NRG1: variants seen among roughly 807,000 people sequenced by gnomAD.
NRG1 encodes the protein neuregulin 1.
Under a neutral mutation model 63.8 loss-of-function variants are expected in NRG1, and 18 were observed. The observed-to-expected ratio is 0.28, with a 90% CI of 0.19 to 0.42. The LOEUF (loss-of-function observed/expected upper bound fraction) is 0.42. NRG1 is among the 10% of genes least tolerant of loss of function. The probability of loss-of-function intolerance (pLI) is 1.00; values close to 1 mark genes in which losing one functional copy is unlikely to be tolerated. For missense variants in NRG1, 762 were observed against 814.7 expected, an observed-to-expected ratio of 0.94 and a Z score of 0.79; for synonymous variants, 302 against 301.3, an observed-to-expected ratio of 1.00 and a Z score of -0.02.
At chr8:32,087,418 A>C (rs1185647475) in intron 1 of NRG1, among the ~76,000 whole-genome samples, 1 of 151,356 alleles carries the variant, frequency 6.6e-6, no homozygotes, top group Non-Finnish European at 1.5e-5. Flanking sequence ...AGCATGCAGG[A>C]CTGTGAATCA....
intron 1 of NRG1, among the ~76,000 whole-genome samples, chr8:31,778,378 C>G (rs968900355): frequency 6.6e-6 from 1 of 152,174 alleles, no homozygotes; most frequent in Non-Finnish European, 1.5e-5. Flanking sequence ...CTTATATATA[C>G]CAGGCATGGG....
intron 1 of NRG1, among the ~76,000 whole-genome samples, chr8:31,937,573 TG>T (rs991837342): frequency 3.3e-5 from 5 of 152,258 alleles, no homozygotes; most frequent in South Asian, 4.1e-4. Context: ...CGAAAAACTG[TG>T]AGTCTGCTTG....
intron 1 of NRG1, among the ~76,000 whole-genome samples, chr8:31,864,792 C>T (rs1350823963): frequency 6.6e-6 from 1 of 152,096 alleles, no homozygotes; most frequent in African/African-American, 2.4e-5. Flanking sequence ...ATCTCTGCTG[C>T]AGTGTAGAGA....
intron 5 of NRG1, among the ~76,000 whole-genome samples, chr8:32,707,314 G>C (rs1016910033): frequency 2.0e-5 from 3 of 151,952 alleles, no homozygotes; most frequent in Non-Finnish European, 1.5e-5. Context: ...AATGTCCTAT[G>C]ATAAGAAGAT....
At chr8:32,131,975 T>C (rs1834881616) in intron 1 of NRG1, among the ~76,000 whole-genome samples, 2 of 152,020 alleles carry the variant, frequency 1.3e-5, no homozygotes, top group Non-Finnish European at 2.9e-5. Flanking sequence ...CTAAAAGATA[T>C]ATTTAAAGGC....
At chr8:32,494,044 C>T (rs1826910959) in intron 1 of NRG1, among the ~76,000 whole-genome samples, 1 of 152,026 alleles carries the variant, frequency 6.6e-6, no homozygotes, top group Non-Finnish European at 1.5e-5. Flanking sequence ...TTCTTAATTG[C>T]TTGTTTGTTT....
chr8:32,585,459 G>C (rs879929646), intron 1 of NRG1, among the ~76,000 whole-genome samples: 1 of 152,190 alleles, frequency 6.6e-6, no homozygotes, highest in Non-Finnish European at 1.5e-5. Flanking sequence ...CCGCGGCGCA[G>C]TGATTTGCTC....
At chr8:32,470,335 C>T (rs1823677569) in intron 1 of NRG1, among the ~76,000 whole-genome samples, 1 of 152,058 alleles carries the variant, frequency 6.6e-6, no homozygotes, top group African/African-American at 2.4e-5. Context: ...CGCCCGCCAC[C>T]ACACCCGGCT....
intron 1 of NRG1, among the ~76,000 whole-genome samples, chr8:32,356,482 C>CCG (rs754867085): frequency 0.059 from 7,809 of 131,734 alleles, 427 homozygotes; most frequent in Middle Eastern, 0.095. Flanking sequence ...GGACCCCCCC[C>CCG]CCACCCGCCG....
chr8:32,263,844 A>T (rs541662636), intron 1 of NRG1, among the ~76,000 whole-genome samples: 1 of 152,144 alleles, frequency 6.6e-6, no homozygotes, highest in Admixed American at 6.5e-5. Flanking sequence ...AGTCCAAAAG[A>T]TTTATTTCAA....
At chr8:31,997,890 A>G (rs1170547615) in intron 1 of NRG1, among the ~76,000 whole-genome samples, 3 of 151,926 alleles carry the variant, frequency 2.0e-5, no homozygotes, top group Non-Finnish European at 4.4e-5. Context: ...ATAAGGAAAC[A>G]TAGAATTTAA....
At chr8:32,767,418 G>A (rs1427920937) in exon 12 of NRG1, 3 of 152,218 alleles carry the variant, frequency 2.0e-5, no homozygotes, top group Non-Finnish European at 4.4e-5. Context: ...CCACCAGCCA[G>A]AGATTTCTAT....
chr8:31,813,220 A>G (rs1308511383), intron 1 of NRG1, among the ~76,000 whole-genome samples: 2 of 152,234 alleles, frequency 1.3e-5, no homozygotes, highest in Non-Finnish European at 1.5e-5. Flanking sequence ...AAGTGATTAC[A>G]TATTACCTTG....
intron 1 of NRG1, among the ~76,000 whole-genome samples, chr8:32,491,376 A>C (rs980643598): frequency 3.4e-4 from 52 of 152,228 alleles, no homozygotes. Flanking sequence ...TATAAAAATT[A>C]CTATTTTAAT....
intron 5 of NRG1, among the ~76,000 whole-genome samples, chr8:32,633,328 GT>G (rs1373633058): frequency 2.0e-5 from 3 of 152,032 alleles, no homozygotes; most frequent in Non-Finnish European, 4.4e-5. Context: ...TGGCTGTTTT[GT>G]TTTGATGGTT....
Position 31,670,259 on chromosome 8 carries a change from G to A in NRG1, c.37+30828G>A, listed in dbSNP as rs565663362. Among the ~76,000 whole-genome samples, 27 of 152,080 alleles carry A rather than the reference G, an allele frequency of 1.8e-4. No individual in the cohort carries two copies. The South Asian group carries it at 4.8e-3, about 27-fold the overall frequency. Reference sequence around the variant, plus strand: ...ATCCAGCACTGAGTTCTTACTCACGGGGGTCACCACTGCTGTGTTCTAGTT... The same window carrying A: ...ATCCAGCACTGAGTTCTTACTCACGAGGGTCACCACTGCTGTGTTCTAGTT... On this transcript the variant is annotated intron_variant, in intron 1 of 10. Transcript: ENST00000519301.
At position 32,543,096 on chromosome 8, in the gene NRG1, G is replaced by C. The variant is rs1832728767; in HGVS notation, c.38-52732G>C. ...TATCCAAAGTATTTAGTGCTTACCAGATGCAAAGTACAGTTAGGAATTCTA... is the reference window on the plus strand; with the variant it reads ...TATCCAAAGTATTTAGTGCTTACCACATGCAAAGTACAGTTAGGAATTCTA... On this transcript the variant is annotated intron_variant, in intron 1 of 10. Coordinates refer to the NRG1 transcript ENST00000519301. Among the ~76,000 whole-genome samples the C allele has an allele frequency of 2.0e-5, 3 of 152,260 alleles. No homozygotes were observed. In the South Asian group the frequency reaches 6.2e-4, roughly 32 times the overall value.
At chr8:31,994,709 G>T (rs1811686845) in intron 1 of NRG1, among the ~76,000 whole-genome samples, 1 of 138,154 alleles carries the variant, frequency 7.2e-6, no homozygotes, top group East Asian at 2.1e-4. Context: ...TGAAGAAGCT[G>T]CTTGGTAATA....
intron 1 of NRG1, among the ~76,000 whole-genome samples, chr8:32,294,247 G>A (rs981365158): frequency 4.0e-5 from 6 of 151,736 alleles, no homozygotes; most frequent in South Asian, 2.1e-4. Context: ...ATGGGTTTTG[G>A]GCAGAAAACG....
Sources: gnomAD v4.1 joint callset for allele counts (sites outside exome capture counted in the v4.1 genomes callset) on GRCh38, gnomAD v4.1.1 for gene constraint, MANE v1.5 for transcripts, NCBI Gene and HGNC (gene_info 2026-07-23, HGNC 2026-07-21) for gene names.